Variants in RAI1 observed in about 807,000 individuals in gnomAD.
RAI1 encodes the protein retinoic acid induced 1, also known as retinoic acid-induced protein 1.
RAI1 carries 9 observed loss-of-function variants against 123.8 expected under a neutral mutation model. The observed-to-expected ratio is 0.07, with a 90% CI of 0.04 to 0.13. The LOEUF (loss-of-function observed/expected upper bound fraction) is 0.13, where lower values mean the gene tolerates loss of function less well. RAI1 is among the 10% of genes least tolerant of loss of function. RAI1 has a pLI of 1.00. For missense variants in RAI1, 2,256 were observed against 2,545.8 expected (o/e 0.89, Z 2.45); for synonymous variants, 1,231 against 1,127.3 (o/e 1.09, Z -1.84).
At chr17:17,804,699 AC>A (rs2032562071) in intron 4 of RAI1, among the ~76,000 whole-genome samples, 1 of 152,104 alleles carries the variant, frequency 6.6e-6, no homozygotes, top group African/African-American at 2.4e-5. Context: ...TTGCTCTGTC[AC>A]CCAAGCTAGA....
intron 2 of RAI1, among the ~76,000 whole-genome samples, chr17:17,761,174 G>A (rs937418650): frequency 1.6e-4 from 24 of 152,002 alleles, no homozygotes; most frequent in Admixed American, 1.4e-3. Flanking sequence ...TGAAAGAGGC[G>A]ACCCATATGT....
At chr17:17,717,191 G>C (rs1567844521) in intron 1 of RAI1, among the ~76,000 whole-genome samples, 1 of 152,142 alleles carries the variant, frequency 6.6e-6, no homozygotes, top group Non-Finnish European at 1.5e-5. Flanking sequence ...AGTCTGTATG[G>C]CACAGAAGAC....
intron 1 of RAI1, among the ~76,000 whole-genome samples, chr17:17,723,341 C>T (rs914476348): frequency 1.4e-4 from 3 of 21,426 alleles, no homozygotes; most frequent in East Asian, 1.5e-3. Context: ...GTATCCAGAC[C>T]CCCCCCCCCA....
chr17:17,797,595 C>G lies in RAI1; in HGVS notation c.4647C>G (p.Thr1549=). The G allele has an allele frequency of 6.2e-7, 1 of 1,614,056 alleles. No individual in the cohort carries two copies. The highest frequency in any genetic ancestry group is 8.5e-7 in the Non-Finnish European group (1 of 1,180,046). ...RLTRGRAKNT[T]SSPCKGRAKR... Reference sequence around the variant, plus strand: ...CTCGGGGCCGGGCCAAGAACACCACCTCTTCACCCTGTAAGGGGCGTGCCA... The same window carrying G: ...CTCGGGGCCGGGCCAAGAACACCACGTCTTCACCCTGTAAGGGGCGTGCCA... Residue 1549 remains threonine, a synonymous_variant, in exon 3 of 6, where the codon ACC becomes ACG. Coordinates refer to ENST00000353383, the MANE Select transcript of RAI1 (RefSeq NM_030665.4).
chr17:17,699,768 G>A (rs1384181412), intron 1 of RAI1, among the ~76,000 whole-genome samples: 1 of 152,308 alleles, frequency 6.6e-6, no homozygotes, highest in African/African-American at 2.4e-5. Context: ...CTGTCTGCCG[G>A]GTAGGATGGC....
chr17:17,763,229 G>A (rs928151336), intron 2 of RAI1, among the ~76,000 whole-genome samples: 1 of 152,192 alleles, frequency 6.6e-6, no homozygotes, highest in Non-Finnish European at 1.5e-5. Context: ...CATTTTCAGA[G>A]CTTGCTAGCC....
At chr17:17,694,954 C>T (rs1914972383) in intron 1 of RAI1, among the ~76,000 whole-genome samples, 1 of 152,010 alleles carries the variant, frequency 6.6e-6, no homozygotes, top group African/African-American at 2.4e-5. Context: ...GCGCGCATCT[C>T]TGGGCCTCGT....
chr17:17,746,122 C>T (rs558071167), intron 2 of RAI1, among the ~76,000 whole-genome samples: 7 of 152,334 alleles, frequency 4.6e-5, no homozygotes, highest in African/African-American at 1.4e-4. Context: ...GCACTGGAAA[C>T]GGCAGCCGGC....
At position 17,811,104 on chromosome 17, in the gene RAI1, C is replaced by T. The variant is rs879207307; in HGVS notation, c.*1123C>T. 2.6e-4 allele frequency: 77 copies of T among 294,256 alleles called. 1 individual carries two copies. The highest frequency in any genetic ancestry group is 4.2e-4 in the South Asian group (16 of 38,010). 18.2% of individuals were successfully genotyped at this position (294,256 alleles called of 1,614,324 possible). ...CTGCCAGTCCGTCCGCCTGTCCGTC[C>T]GTGTCCTCAGCTCTGTCCACGCTTC... On this transcript the variant is annotated 3_prime_UTR_variant, in exon 6 of 6. Coordinates refer to ENST00000353383, the MANE Select transcript of RAI1 (RefSeq NM_030665.4).
chr17:17,793,111 C>G lies in RAI1; in HGVS notation c.163C>G (p.Pro55Ala), dbSNP rs764349627. ...LLAKDYYNPQ[P>A]YPSYEGGAGT... ...CGCCAAGGACTATTATAACCCGCAG[C>G]CTTACCCGAGCTATGAGGGTGGCGC... Residue 55 changes from proline (P) to alanine (A), a missense_variant, in exon 3 of 6, where the codon CCT (proline) becomes GCT (alanine). Pro to Ala is a conservative substitution (Grantham distance 27). Around this residue, in one of 7 missense-constraint regions of RAI1, gnomAD observed 336 missense variants for 349.8 expected, o/e 0.96. Transcript: ENST00000353383. 2.5e-6 allele frequency: 4 copies of G among 1,614,114 alleles called. No homozygotes were observed. The highest frequency in any genetic ancestry group is 2.2e-5 in the East Asian group (1 of 44,876).
In RAI1 at chr17:17,809,519, C is replaced by G; in HGVS notation, c.5709+80C>G. 1 of 1,448,628 alleles carries G rather than the reference C, an allele frequency of 6.9e-7. No individual in the cohort carries two copies. Among genetic ancestry groups the G allele is most frequent in the Non-Finnish European group, 9.7e-7 (1 of 1,034,186 alleles). 89.7% of individuals were successfully genotyped at this position (1,448,628 alleles called of 1,614,324 possible). A position where few individuals can be genotyped will look rare whatever the true frequency, so the allele number is the denominator to read the frequency against. ...CACCTCGCACCTCCTTCACAGTCCC[C>G]TGGGCCCCCTTGGCTGCGCAGCCCC... On this transcript the variant is annotated intron_variant, in intron 5 of 5. Coordinates refer to ENST00000353383, the MANE Select transcript of RAI1 (RefSeq NM_030665.4). This position sits in a 1 kb window ranked among gnomAD's most constrained non-coding sequence, Gnocchi z 4.9.
intron 2 of RAI1, among the ~76,000 whole-genome samples, chr17:17,727,432 G>T (rs958455883): frequency 6.6e-6 from 1 of 152,190 alleles, no homozygotes; most frequent in Non-Finnish European, 1.5e-5. Flanking sequence ...TTTCACAGAT[G>T]GGGGGACTGA....
chr17:17,796,774 CCCAAGAAAGCCAAGCCCA>C lies in RAI1; in HGVS notation c.3832_3849del (p.Lys1278_Lys1283del). 2 of 1,613,064 alleles carry C rather than the reference CCCAAGAAAGCCAAGCCCA, an allele frequency of 1.2e-6. No individual in the cohort carries two copies. Among genetic ancestry groups the C allele is most frequent in the Non-Finnish European group, 1.7e-6 (2 of 1,179,706 alleles). On this transcript the variant is annotated inframe_deletion, in exon 3 of 6. Coordinates refer to ENST00000353383, the MANE Select transcript of RAI1 (RefSeq NM_030665.4). The surrounding 1 kb of genome is among the most constrained non-coding windows in gnomAD (Gnocchi z 5.8). Reference sequence around the variant, plus strand: ...CACCCTCTTCAAGAGGATGTCTTCTCCCAAGAAAGCCAAGCCCACCAAGGGCAATGGCGAGCCTGCCAC... The same window carrying C: ...CACCCTCTTCAAGAGGATGTCTTCTCCCAAGGGCAATGGCGAGCCTGCCAC...
At chr17:17,763,051 GA>G (rs74581530) in intron 2 of RAI1, among the ~76,000 whole-genome samples, 525 of 143,762 alleles carry the variant, frequency 3.7e-3, no homozygotes, top group Middle Eastern at 0.029. Context: ...GGCTTTTCTG[GA>G]AAAAAAAAAA....
chr17:17,759,291 G>A (rs1221456775), intron 2 of RAI1: 1 of 152,218 alleles, frequency 6.6e-6, no homozygotes, highest in Non-Finnish European at 1.5e-5. Context: ...CAACTACGAG[G>A]AGTTGTCTCA....
rs1326576226 is a variant in RAI1 at position 17,811,404 on chromosome 17, A to G, written c.*1423A>G. 2 of 12,224 alleles carry G rather than the reference A, an allele frequency of 1.6e-4. No homozygotes were observed. The highest frequency in any genetic ancestry group is 3.9e-3 in the Admixed American group (1 of 254). The allele number at this position is 12,224 out of a possible 1,614,324, so 0.8% of individuals were successfully genotyped here. A position where few individuals can be genotyped will look rare whatever the true frequency, so the allele number is the denominator to read the frequency against. Reference sequence around the variant, plus strand: ...AGTAAAAAACAGTCATTGCATTCAGAAAAAAAAAAAAAAAAAAGTCAATAA... The same window carrying G: ...AGTAAAAAACAGTCATTGCATTCAGGAAAAAAAAAAAAAAAAAGTCAATAA... On this transcript the variant is annotated 3_prime_UTR_variant, in exon 6 of 6. Coordinates refer to ENST00000353383, the MANE Select transcript of RAI1 (RefSeq NM_030665.4).
At chr17:17,703,532 C>T (rs945378364) in intron 1 of RAI1, among the ~76,000 whole-genome samples, 7 of 152,094 alleles carry the variant, frequency 4.6e-5, no homozygotes, top group African/African-American at 9.7e-5. Context: ...GTGTTGGCTC[C>T]GGCTCTGGGG....
intron 2 of RAI1, among the ~76,000 whole-genome samples, chr17:17,746,258 AAAGACCTTGTC>A (rs1303810140): frequency 6.6e-6 from 1 of 152,224 alleles, no homozygotes; most frequent in Non-Finnish European, 1.5e-5. Context: ...CCCCAGAATG[AAAGACCTTGTC>A]ACAAAGGGAG....
rs1020551291 is a variant in RAI1, at chr17:17,796,534, G to A, written c.3586G>A (p.Glu1196Lys). Residue 1196 changes from glutamate to lysine, a missense_variant, in exon 3 of 6, where the codon GAG becomes AAG. By Grantham distance (56) the Glu-to-Lys change is moderately conservative. Coordinates refer to ENST00000353383, the MANE Select transcript of RAI1 (RefSeq NM_030665.4). The surrounding 1 kb of genome is among the most constrained non-coding windows in gnomAD (Gnocchi z 5.8). ...CAAGGTCTCCAGCAGCCCCCAGAAG[G>A]AGGGCAGGGTGAGCCAGCGGGCAAG... ...TFKVSSSPQKEGRVSQRARVP... is the reference protein window; with the variant it reads ...TFKVSSSPQKKGRVSQRARVP... The A allele has an allele frequency of 1.2e-6, 2 of 1,611,146 alleles. No individual in the cohort carries two copies. The highest frequency in any genetic ancestry group is 1.7e-6 in the Non-Finnish European group (2 of 1,179,960).
Sources: gnomAD v4.1 joint callset for allele counts (sites outside exome capture counted in the v4.1 genomes callset) on GRCh38, gnomAD v4.1.1 for gene constraint, gnomAD v4.1.1 regional missense constraint, Gnocchi (gnomAD v3.1) non-coding constraint, MANE v1.5 for transcripts, NCBI Gene and HGNC (gene_info 2026-07-23, HGNC 2026-07-21) for gene names.